KDM4B: variants seen among roughly 807,000 people sequenced by gnomAD.
KDM4B encodes lysine-specific demethylase 4B.
In KDM4B, 32 loss-of-function variants were observed where a neutral mutation model predicts 125.2. The ratio of observed to expected loss-of-function variants is 0.26; its 90% confidence interval spans 0.19 to 0.34. KDM4B has a LOEUF of 0.34. KDM4B is among the 10% of genes least tolerant of loss of function. The pLI is 1.00. For synonymous variants in KDM4B, 721 were observed against 677.9 expected (o/e 1.06, Z -0.99); for missense variants, 1,190 against 1,577.7 (o/e 0.75, Z 4.16).
At position 5,035,665 on chromosome 19, in the gene KDM4B, GTCT is replaced by G. The variant is rs1468373976; in HGVS notation, c.141+2636_141+2638del. Reference sequence around the variant, plus strand: ...TTCCCCCGAGATTCTTGGCACCGGCGTCTTAAGCCAGTGTGGGGAGTATGGTTT... The same window carrying G: ...TTCCCCCGAGATTCTTGGCACCGGCGTAAGCCAGTGTGGGGAGTATGGTTT... On this transcript the variant is annotated intron_variant, in intron 3 of 22. Transcript: ENST00000159111. The surrounding 1 kb of genome is among the most constrained non-coding windows in gnomAD (Gnocchi z 5.3). Among the ~76,000 whole-genome samples the G allele has an allele frequency of 2.6e-5, 4 of 152,026 alleles. No individual in the cohort carries two copies. Among genetic ancestry groups the G allele is most frequent in the African/African-American group, 9.7e-5 (4 of 41,392 alleles).
At chr19:4,985,280 C>T (rs915096695) in intron 1 of KDM4B, among the ~76,000 whole-genome samples, 11 of 152,022 alleles carry the variant, frequency 7.2e-5, no homozygotes, top group South Asian at 2.1e-4. Context: ...GCCGAGATCG[C>T]GCCATTGCGC....
intron 6 of KDM4B, among the ~76,000 whole-genome samples, chr19:5,065,492 G>A (rs2037739239): frequency 6.6e-6 from 1 of 152,226 alleles, no homozygotes; most frequent in South Asian, 2.1e-4. Flanking sequence ...GATTTAGAGC[G>A]ATAGAAAATA....
At chr19:5,014,160 T>G (rs1339793692) in intron 1 of KDM4B, among the ~76,000 whole-genome samples, 1 of 152,264 alleles carries the variant, frequency 6.6e-6, no homozygotes, top group African/African-American at 2.4e-5. Flanking sequence ...ATTATTTATT[T>G]TTTTGAGACA....
intron 1 of KDM4B, among the ~76,000 whole-genome samples, chr19:4,981,755 C>G (rs1279604123): frequency 1.3e-5 from 2 of 152,174 alleles, no homozygotes; most frequent in African/African-American, 4.8e-5. Context: ...CCTGTGGGGA[C>G]AGTGATGTGC....
At chr19:4,974,766 G>A (rs568070474) in intron 1 of KDM4B, among the ~76,000 whole-genome samples, 25 of 151,544 alleles carry the variant, frequency 1.6e-4, no homozygotes, top group African/African-American at 6.1e-4. Context: ...GGTAGTCAAA[G>A]GAGTAAAAAC....
intron 6 of KDM4B, among the ~76,000 whole-genome samples, chr19:5,059,009 G>T (rs2037497667): frequency 6.6e-6 from 1 of 152,226 alleles, no homozygotes; most frequent in South Asian, 2.1e-4. Flanking sequence ...AGTTTATTCA[G>T]GCTGTGGGGG....
At chr19:4,989,121 A>G (rs2034945839) in intron 1 of KDM4B, among the ~76,000 whole-genome samples, 1 of 152,122 alleles carries the variant, frequency 6.6e-6, no homozygotes. Context: ...GGCTGTCTGG[A>G]CAGTGCTGAA....
intron 1 of KDM4B, among the ~76,000 whole-genome samples, chr19:4,980,866 A>AG (rs1331388238): frequency 3.5e-5 from 5 of 143,200 alleles, no homozygotes; most frequent in Admixed American, 2.9e-4. Context: ...GGCAGAGCTC[A>AG]GGGATTCCTG....
intron 15 of KDM4B, among the ~76,000 whole-genome samples, chr19:5,136,057 G>C (rs1450882241): frequency 6.6e-6 from 1 of 152,266 alleles, no homozygotes; most frequent in Non-Finnish European, 1.5e-5. Flanking sequence ...CTGCCAAGCA[G>C]CCTTTGGGGG....
intron 6 of KDM4B, among the ~76,000 whole-genome samples, chr19:5,056,756 G>A (rs928949469): frequency 2.0e-5 from 3 of 152,068 alleles, no homozygotes; most frequent in Admixed American, 2.0e-4. Flanking sequence ...ACATCTTCGA[G>A]ACCCTCACGG....
At chr19:5,144,661 C>A in intron 20 of KDM4B, 122 bp from the exon 21 acceptor site, 1 of 1,417,018 alleles carries the variant, frequency 7.1e-7, no homozygotes, top group Non-Finnish European at 9.6e-7. Flanking sequence ...CGGGCCCCCG[C>A]AGCCAGCTTT....
intron 1 of KDM4B, among the ~76,000 whole-genome samples, chr19:4,977,087 C>G (rs1486252487): frequency 2.0e-5 from 3 of 151,948 alleles, no homozygotes; most frequent in African/African-American, 7.3e-5. Context: ...GCTTCTCTGG[C>G]TCTTCCTCCC....
intron 1 of KDM4B, among the ~76,000 whole-genome samples, chr19:4,981,037 C>T (rs2034622914): frequency 6.6e-6 from 1 of 152,050 alleles, no homozygotes; most frequent in Non-Finnish European, 1.5e-5. Flanking sequence ...TGCAGAGGTA[C>T]CCTGTGAGGC....
At chr19:5,094,993 G>T (rs2145929338) in intron 9 of KDM4B, among the ~76,000 whole-genome samples, 1 of 152,246 alleles carries the variant, frequency 6.6e-6, no homozygotes, top group Non-Finnish European at 1.5e-5. Context: ...CGGCGCCGGG[G>T]GCGGGGCAGG....
At chr19:4,978,037 G>A (rs775563873) in intron 1 of KDM4B, among the ~76,000 whole-genome samples, 2 of 152,212 alleles carry the variant, frequency 1.3e-5, no homozygotes, top group Non-Finnish European at 2.9e-5. Context: ...CTGTCTTGCA[G>A]TCGGGCCGCG....
At chr19:5,021,850 G>A (rs1396448446) in intron 2 of KDM4B, among the ~76,000 whole-genome samples, 1 of 152,010 alleles carries the variant, frequency 6.6e-6, no homozygotes, top group Non-Finnish European at 1.5e-5. Flanking sequence ...TGGCCAGGAT[G>A]GTCTTGATCT....
Position 5,142,223 on chromosome 19 carries a change from C to G in KDM4B, c.2551-1744C>G, listed in dbSNP as rs1354709191. Among the ~76,000 whole-genome samples, 1 of 152,102 alleles carries G rather than the reference C, an allele frequency of 6.6e-6. No homozygotes were observed. Among genetic ancestry groups the G allele is most frequent in the East Asian group, 1.9e-4 (1 of 5,142 alleles). ...CCAGTGCCTGGGCCCTTCCAGGCCC[C>G]CCACGGGCCGTAGACCCTGACTCCC... is the stretch of plus-strand genomic sequence containing the variant. On this transcript the variant is annotated intron_variant, in intron 18 of 22. Transcript: ENST00000159111. The surrounding 1 kb of genome is among the most constrained non-coding windows in gnomAD (Gnocchi z 5.4).
rs927191815 is a variant in KDM4B, at chr19:5,142,682, C to A, written c.2551-1285C>A. Among the ~76,000 whole-genome samples the A allele has an allele frequency of 6.6e-6, 1 of 152,120 alleles. No homozygotes were observed. The highest frequency in any genetic ancestry group is 1.5e-5 in the Non-Finnish European group (1 of 68,008). On this transcript the variant is annotated intron_variant, in intron 18 of 22. Transcript: ENST00000159111. The surrounding 1 kb of genome is among the most constrained non-coding windows in gnomAD (Gnocchi z 5.4). ...CCAGGCTCCCCAGGGAGCACAGCCT[C>A]CACTCCTACACACTGGCTACTCTGC...
intron 2 of KDM4B, among the ~76,000 whole-genome samples, chr19:5,032,464 G>A (rs965038048): frequency 2.0e-5 from 3 of 152,182 alleles, no homozygotes; most frequent in African/African-American, 4.8e-5. Context: ...CCTCACCTTC[G>A]AAAACCCGCA....
Sources: allele counts gnomAD v4.1 joint callset (sites outside exome capture counted in the v4.1 genomes callset), GRCh38; gene constraint gnomAD v4.1.1; non-coding constraint Gnocchi (gnomAD v3.1); transcripts MANE v1.5; gene names NCBI Gene and HGNC (gene_info 2026-07-23, HGNC 2026-07-21).